Variants in ALG13 observed in about 807,000 individuals in gnomAD.
ALG13 encodes UDP-N-acetylglucosamine transferase subunit ALG13.
In ALG13, 11 loss-of-function variants were observed where a neutral mutation model predicts 87.8. The ratio of observed to expected loss-of-function variants is 0.13; its 90% confidence interval spans 0.08 to 0.21. The LOEUF (loss-of-function observed/expected upper bound fraction) is 0.21, where lower values mean the gene tolerates loss of function less well. ALG13 is among the 10% of genes least tolerant of loss of function. The pLI, the probability that ALG13 is intolerant of heterozygous loss-of-function variation, is 1.00. For missense variants in ALG13, 756 were observed against 866.1 expected (o/e 0.87, Z 1.60); for synonymous variants, 320 against 306.3 (o/e 1.04, Z -0.47).
chrX:111,759,029 CT>C lies in ALG13; in HGVS notation c.3149-695del, dbSNP rs201503458. Among the ~76,000 whole-genome samples the C allele has an allele frequency of 5.8e-4, 61 of 105,247 alleles. No homozygotes were observed. In the East Asian group the frequency reaches 8.4e-3, roughly 14 times the overall value. The allele number at this position is 105,247 out of a possible 115,157, so 91.4% of individuals were successfully genotyped here. ...TTTTAAAGCATATTACAGTGTCAAT[CT>C]TTTTTTTTTGAATTTTGTGCAGTAT... On this transcript the variant is annotated intron_variant, in intron 26 of 26. Coordinates refer to ENST00000394780, the MANE Select transcript of ALG13 (RefSeq NM_001099922.3).
chrX:111,752,151 G>A (rs1390982683), intron 24 of ALG13, among the ~76,000 whole-genome samples: 2 of 111,816 alleles, frequency 1.8e-5, no homozygotes, highest in Non-Finnish European at 3.8e-5. Context: ...TTCTAGAAGT[G>A]TATTAAAGTA....
At position 111,682,203 on chromosome X, in the gene ALG13, C is replaced by A; in HGVS notation, c.153C>A (p.Phe51Leu). The change falls in exon 2 of 27, where the codon TTC becomes TTA. Residue 51 changes from phenylalanine (F) to leucine (L), a missense_variant. This residue lies in a region of ALG13 where 153 missense variants were observed against 168.7 expected (regional missense o/e 0.91). Transcript: ENST00000394780. The part of the protein sequence containing the change: ...IGRGTVVPEP[F>L]STESFTLDVY... ...GAGGAACGGTGGTACCTGAACCCTT[C>A]AGTACTGAGTCGTTTACTCTGGATG... The A allele has an allele frequency of 8.3e-7, 1 of 1,202,577 alleles. No homozygotes were observed. The highest frequency in any genetic ancestry group is 1.8e-5 in the South Asian group (1 of 55,319).
chrX:111,713,394 AG>A (rs1469300677), intron 8 of ALG13, 97 bp downstream of exon 8: 8 of 564,282 alleles, frequency 1.4e-5, no homozygotes, highest in Non-Finnish European at 2.0e-5. Flanking sequence ...ATTAATGAAA[AG>A]CATAGTCTGA....
At chrX:111,717,089 A>G (rs915030455) in intron 8 of ALG13, 1 of 110,983 alleles carries the variant, frequency 9.0e-6, no homozygotes, top group Non-Finnish European at 1.9e-5. Flanking sequence ...GGCACACACC[A>G]TCCCACCTGG....
rs755678773 is a variant in ALG13 at position 111,728,269 on chromosome X, T to G, written c.2332T>G (p.Leu778Val). The change falls in exon 19 of 27, where the codon TTG (leucine) becomes GTG (valine). Residue 778 changes from leucine to valine, a missense_variant. Around this residue, in one of 9 missense-constraint regions of ALG13, gnomAD observed 362 missense variants for 383.5 expected, o/e 0.94. Coordinates refer to ENST00000394780, the MANE Select transcript of ALG13 (RefSeq NM_001099922.3). ...RRGHSSGKQT[L>V]NLEEGNGQSE... ...GGGACATAGCTCAGGCAAACAGACTTTGAATTTAGAGGAGGGCAATGGCCA... is the reference window on the plus strand; with the variant it reads ...GGGACATAGCTCAGGCAAACAGACTGTGAATTTAGAGGAGGGCAATGGCCA... 1 of 1,211,359 alleles carries G rather than the reference T, an allele frequency of 8.3e-7. No homozygotes were observed. The highest frequency in any genetic ancestry group is 1.1e-6 in the Non-Finnish European group (1 of 895,255).
rs749640533 is a variant in ALG13 at position 111,728,799 on chromosome X, T to C, written c.2368+494T>C. 3.6e-5 allele frequency among the ~76,000 whole-genome samples: 4 copies of C among 111,249 alleles called. 1 individual carries two copies. In the South Asian group the frequency reaches 1.5e-3, roughly 43 times the overall value. On this transcript the variant is annotated intron_variant, in intron 19 of 26. Transcript: ENST00000394780. ...TACCCACTCTACTAAGTCATTATAT[T>C]CATAATATAGTCCTTCGTGTGCTCT...
chrX:111,745,083 C>A lies in ALG13; in HGVS notation c.2932+179C>A, dbSNP rs185262155. Among the ~76,000 whole-genome samples, 250 of 111,362 alleles carry A rather than the reference C, an allele frequency of 2.2e-3. 4 individuals are homozygous for A. Among genetic ancestry groups the A allele is most frequent in the Non-Finnish European group, 1.4e-3 (75 of 53,093 alleles). ...AAAAGCTGAAAACTGAGAATATCTT[C>A]TACATAATCAACAAGTGGATGGTTG... On this transcript the variant is annotated intron_variant, in intron 24 of 26. Transcript: ENST00000394780.
chrX:111,696,798 T>A (rs1260994385), intron 3 of ALG13, among the ~76,000 whole-genome samples: 2 of 111,485 alleles, frequency 1.8e-5, no homozygotes, highest in Non-Finnish European at 3.8e-5. Flanking sequence ...TTTTTCAACT[T>A]ATTTTAATCT....
rs372990620 is a variant in ALG13, at chrX:111,759,806, A to T, written c.3221A>T (p.Tyr1074Phe). The T allele has an allele frequency of 1.5e-5, 18 of 1,208,128 alleles. No homozygotes were observed. In the African/African-American group the frequency reaches 2.8e-4, roughly 19 times the overall value. ...AVYYPVMSDPYGQPPLPGFDS... is the reference protein window; with the variant it reads ...AVYYPVMSDPFGQPPLPGFDS... The stretch of plus-strand genomic sequence containing the variant: ...TATTATCCAGTAATGTCAGATCCCT[A>T]TGGGCAGCCACCTTTGCCAGGTTTT... Residue 1074 changes from tyrosine to phenylalanine, a missense_variant, in exon 27 of 27, where the codon TAT becomes TTT. By Grantham distance (22) the Tyr-to-Phe change is conservative. This residue lies in a region of ALG13 where 110 missense variants were observed against 104.9 expected (regional missense o/e 1.05). Transcript: ENST00000394780.
At chrX:111,689,894 G>T in intron 3 of ALG13, 4 of 753,709 alleles carry the variant, frequency 5.3e-6, no homozygotes, top group Non-Finnish European at 6.3e-6. Flanking sequence ...TATTTAGTAG[G>T]AATTTCACAC....
chrX:111,725,336 A>T (rs562266672), intron 15 of ALG13, among the ~76,000 whole-genome samples: 2 of 112,007 alleles, frequency 1.8e-5, no homozygotes, highest in African/African-American at 6.5e-5. Context: ...GGAGAGGCAC[A>T]GTTGTCCCTG....
rs1285665050 is a variant in ALG13 at position 111,759,485 on chromosome X, TC to T, written c.3149-248del. The stretch of plus-strand genomic sequence containing the variant: ...TGTATTTAGCTTGCTGATACCTAAA[TC>T]ATCCCAGAAAGATAGCTGTCTGTAC... On this transcript the variant is annotated intron_variant, in intron 26 of 26. Coordinates refer to ENST00000394780, the MANE Select transcript of ALG13 (RefSeq NM_001099922.3). 4.5e-5 allele frequency among the ~76,000 whole-genome samples: 5 copies of T among 112,051 alleles called. No individual in the cohort carries two copies. In the Admixed American group the frequency reaches 4.7e-4, roughly 11 times the overall value.
intron 3 of ALG13, among the ~76,000 whole-genome samples, chrX:111,707,634 C>G (rs1396692777): frequency 1.8e-5 from 2 of 111,879 alleles, no homozygotes; most frequent in Non-Finnish European, 3.8e-5. Context: ...CATGAAGATT[C>G]TGTCCCTCCA....
intron 23 of ALG13, among the ~76,000 whole-genome samples, chrX:111,739,733 T>G (rs951304854): frequency 1.8e-5 from 2 of 112,764 alleles, no homozygotes; most frequent in African/African-American, 6.4e-5. Flanking sequence ...GAGCCCTTCC[T>G]GATGAATCTG....
At chrX:111,726,536 A>G (rs1451163595) in intron 15 of ALG13, among the ~76,000 whole-genome samples, 1 of 111,038 alleles carries the variant, frequency 9.0e-6, no homozygotes, top group Non-Finnish European at 1.9e-5. Context: ...CTGGCCATGG[A>G]TGACTCAGTG....
intron 23 of ALG13, among the ~76,000 whole-genome samples, chrX:111,739,045 T>C (rs1267933125): frequency 8.9e-6 from 1 of 111,930 alleles, no homozygotes; most frequent in Non-Finnish European, 1.9e-5. Context: ...TTAGGTTGTT[T>C]TCACACTGCT....
At chrX:111,705,268 C>T (rs373624008) in intron 3 of ALG13, among the ~76,000 whole-genome samples, 1 of 111,852 alleles carries the variant, frequency 8.9e-6, no homozygotes, top group African/African-American at 3.3e-5. Context: ...GCTCATTAGT[C>T]ATTCTTATAT....
chrX:111,747,773 C>T (rs746219551), intron 24 of ALG13, among the ~76,000 whole-genome samples: 5 of 112,209 alleles, frequency 4.5e-5, no homozygotes, highest in Non-Finnish European at 9.4e-5. Context: ...GTGTCAGCCA[C>T]CACGCCCTGT....
At chrX:111,702,658 C>CT (rs1938088659) in intron 3 of ALG13, among the ~76,000 whole-genome samples, 1 of 110,736 alleles carries the variant, frequency 9.0e-6, no homozygotes, top group Non-Finnish European at 1.9e-5. Context: ...TTCTGAGTGT[C>CT]TATCTTCCTG....
Sources: gnomAD v4.1 joint callset for allele counts (sites outside exome capture counted in the v4.1 genomes callset) on GRCh38, gnomAD v4.1.1 for gene constraint, gnomAD v4.1.1 regional missense constraint, MANE v1.5 for transcripts, NCBI Gene and HGNC (gene_info 2026-07-23, HGNC 2026-07-21) for gene names.